Variants in SIM2 observed in about 807,000 individuals in gnomAD.
SIM2 encodes the protein SIM bHLH transcription factor 2.
A neutral mutation model predicts 64.8 loss-of-function variants in SIM2; 28 were observed. The ratio of observed to expected loss-of-function variants is 0.43; its 90% CI spans 0.32 to 0.59. The LOEUF (loss-of-function observed/expected upper bound fraction) is 0.59. Ranked by LOEUF, SIM2 falls within the 20% of genes least tolerant of loss-of-function variation. The probability of loss-of-function intolerance (pLI) is 0.07; values close to 1 mark genes in which losing one functional copy is unlikely to be tolerated. For missense variants in SIM2, 847 were observed against 871.4 expected, an observed-to-expected ratio of 0.97 and a Z score of 0.35; for synonymous variants, 408 against 391.1, an observed-to-expected ratio of 1.04 and a Z score of -0.51.
intron 1 of SIM2, among the ~76,000 whole-genome samples, chr21:36,704,843 A>G (rs1601684304): frequency 6.6e-6 from 1 of 151,932 alleles, no homozygotes; most frequent in East Asian, 1.9e-4. Context: ...CCCCACGACC[A>G]CCCCCTTCTC....
At chr21:36,739,133 A>G (rs192833661) in intron 7 of SIM2, among the ~76,000 whole-genome samples, 5 of 152,396 alleles carry the variant, frequency 3.3e-5, no homozygotes, top group Admixed American at 2.0e-4. Flanking sequence ...AAGAAAGTGA[A>G]AATTATCTGT....
At chr21:36,737,973 A>AAAAAAAAAAAC (rs1555877008) in intron 7 of SIM2, among the ~76,000 whole-genome samples, 1 of 120,242 alleles carries the variant, frequency 8.3e-6, no homozygotes, top group Non-Finnish European at 2.0e-5. Flanking sequence ...AAAAAAAAAA[A>AAAAAAAAAAAC]AAAAAAAAAG....
chr21:36,744,378 A>AGGAAGGAAGGAAGGAAG (rs2089201694), intron 9 of SIM2, among the ~76,000 whole-genome samples: 1 of 150,966 alleles, frequency 6.6e-6, no homozygotes, highest in Non-Finnish European at 1.5e-5. Flanking sequence ...GAAAGACGGA[A>AGGAAGGAAGGAAGGAAG]GGAAGGAAGG....
Position 36,699,827 on chromosome 21 carries a change from C to G in SIM2, c.81C>G (p.Leu27=). 6.2e-7 allele frequency: 1 copy of G among 1,611,496 alleles called. No homozygotes were observed. Among genetic ancestry groups the G allele is most frequent in the Non-Finnish European group, 8.5e-7 (1 of 1,178,950 alleles). ...NGEFYELAKL[L]PLPSAITSQL... is the part of the protein sequence containing the mutation. ...AGTTTTACGAGCTTGCCAAGCTGCT[C>G]CCGCTGCCGTCGGCCATCACTTCGC... Residue 27 remains leucine (L), a synonymous_variant, in exon 1 of 11, where the codon CTC becomes CTG. Transcript: ENST00000290399. The surrounding 1 kb of genome is among the most constrained non-coding windows in gnomAD (Gnocchi z 5.6).
chr21:36,742,322 T>C (rs2089172488), intron 8 of SIM2, among the ~76,000 whole-genome samples: 1 of 152,130 alleles, frequency 6.6e-6, no homozygotes. Context: ...TGTCTTCTTA[T>C]AGAGCCTGTT....
chr21:36,702,983 G>C (rs1190008829), intron 1 of SIM2, among the ~76,000 whole-genome samples: 1 of 150,364 alleles, frequency 6.7e-6, no homozygotes, highest in Non-Finnish European at 1.5e-5. Context: ...GGAACTGCAA[G>C]GATCACCAGA....
chr21:36,729,168 G>T (rs570884498), intron 6 of SIM2, among the ~76,000 whole-genome samples: 2 of 152,156 alleles, frequency 1.3e-5, no homozygotes, highest in African/African-American at 2.4e-5. Context: ...GTTTGGGGCC[G>T]TTGTTCTGTA....
intron 3 of SIM2, among the ~76,000 whole-genome samples, chr21:36,716,234 G>T (rs1260166069): frequency 1.3e-5 from 2 of 152,158 alleles, no homozygotes; most frequent in Non-Finnish European, 2.9e-5. Flanking sequence ...TTAGGGAGGA[G>T]GAAGAAAAAT....
intron 7 of SIM2, among the ~76,000 whole-genome samples, chr21:36,734,608 G>A (rs1369256535): frequency 6.6e-6 from 1 of 152,196 alleles, no homozygotes; most frequent in East Asian, 1.9e-4. Context: ...AGAGGGAGGG[G>A]AAGCAAGGAT....
In SIM2 at chr21:36,712,632, G is replaced by A; in HGVS notation, c.348+10G>A. Reference sequence around the variant, plus strand: ...TTTAGGCTTATCCCAGGTGGGTATTGCCTAATTTTATGTGCAACCAAAATA... The same window carrying A: ...TTTAGGCTTATCCCAGGTGGGTATTACCTAATTTTATGTGCAACCAAAATA... On this transcript the variant is annotated intron_variant, in intron 3 of 10. Coordinates refer to ENST00000290399, the MANE Select transcript of SIM2 (RefSeq NM_005069.6). 2 of 1,589,306 alleles carry A rather than the reference G, an allele frequency of 1.3e-6. No homozygotes were observed. Among genetic ancestry groups the A allele is most frequent in the Non-Finnish European group, 1.7e-6 (2 of 1,161,872 alleles).
Position 36,747,793 on chromosome 21 carries a change from G to A in SIM2, c.1705G>A (p.Ala569Thr). 4.7e-6 allele frequency: 5 copies of A among 1,052,658 alleles called. No individual in the cohort carries two copies. Among genetic ancestry groups the A allele is most frequent in the Non-Finnish European group, 5.7e-6 (5 of 876,580 alleles). The allele number at this position is 1,052,658 out of a possible 1,614,324, so 65.2% of individuals were successfully genotyped here. Residue 569 changes from alanine to threonine, a missense_variant, in exon 11 of 11, where the codon GCG becomes ACG. Transcript: ENST00000290399. This position sits in a 1 kb window ranked among gnomAD's most constrained non-coding sequence, Gnocchi z 4.5. The stretch of plus-strand genomic sequence containing the variant: ...CGCCCGCCAGGCCGCCCGGGACGGG[G>A]CGCGGCTGGCGCTGGCCCGCGCGGC... ...KAARQAARDG[A>T]RLALARAAPE...
At chr21:36,725,115 G>A (rs2088872344) in intron 5 of SIM2, among the ~76,000 whole-genome samples, 1 of 152,036 alleles carries the variant, frequency 6.6e-6, no homozygotes, top group Non-Finnish European at 1.5e-5. Flanking sequence ...GAAGGCTAAT[G>A]TGGGAGGATT....
intron 7 of SIM2, among the ~76,000 whole-genome samples, chr21:36,733,455 C>T (rs2088998178): frequency 6.6e-6 from 1 of 151,960 alleles, no homozygotes; most frequent in Non-Finnish European, 1.5e-5. Context: ...GAACTCCTGA[C>T]CTCAAGTGGG....
At chr21:36,718,726 G>T (rs374744520) in intron 3 of SIM2, among the ~76,000 whole-genome samples, 26 of 152,130 alleles carry the variant, frequency 1.7e-4, no homozygotes, top group Admixed American at 2.0e-4. Context: ...CACTGTCCTT[G>T]TCTGCCACCC....
intron 1 of SIM2, among the ~76,000 whole-genome samples, chr21:36,700,231 T>C (rs1416041913): frequency 6.6e-6 from 1 of 152,182 alleles, no homozygotes; most frequent in Non-Finnish European, 1.5e-5. Context: ...TTGTTCTTTC[T>C]CCCTTTCCTC....
intron 7 of SIM2, among the ~76,000 whole-genome samples, chr21:36,733,978 C>T (rs1420642367): frequency 6.6e-6 from 1 of 152,216 alleles, no homozygotes; most frequent in African/African-American, 2.4e-5. Context: ...TAGACTCTGA[C>T]CTGCGGGCAG....
In SIM2 at chr21:36,699,698, C is replaced by G; in HGVS notation, c.-49C>G. 1.3e-6 allele frequency: 2 copies of G among 1,581,622 alleles called. No homozygotes were observed. The highest frequency in any genetic ancestry group is 1.7e-6 in the Non-Finnish European group (2 of 1,165,208). ...CGCCGCCGCAGCCCGAGCGGGGCTC[C>G]GCGGGCCTGGAGCACGGCCGGGTCT... On this transcript the variant is annotated 5_prime_UTR_variant, in exon 1 of 11. Coordinates refer to ENST00000290399, the MANE Select transcript of SIM2 (RefSeq NM_005069.6). The surrounding 1 kb of genome is among the most constrained non-coding windows in gnomAD (Gnocchi z 5.6).
At chr21:36,741,601 GC>G (rs2089159243) in intron 7 of SIM2, 115 bp from the exon 8 acceptor site, 9 of 1,205,184 alleles carry the variant, frequency 7.5e-6, no homozygotes, top group Non-Finnish European at 7.1e-6. Context: ...GAGAAAGCCC[GC>G]CCCCTTTGTC....
At chr21:36,719,787 C>T (rs1339737552) in intron 3 of SIM2, 34 bp from the exon 4 acceptor site, 6 of 1,293,944 alleles carry the variant, frequency 4.6e-6, no homozygotes, top group South Asian at 2.4e-5. Flanking sequence ...CCCAGAGAGG[C>T]GGTGGCATTT....
Sources: gnomAD v4.1 joint callset for allele counts (sites outside exome capture counted in the v4.1 genomes callset) on GRCh38, gnomAD v4.1.1 for gene constraint, Gnocchi (gnomAD v3.1) non-coding constraint, MANE v1.5 for transcripts, NCBI Gene and HGNC (gene_info 2026-07-23, HGNC 2026-07-21) for gene names.